Variants in RALGAPA2 observed in about 807,000 individuals in gnomAD.
RALGAPA2 encodes the protein ral GTPase-activating protein subunit alpha-2.
Under a neutral mutation model 230.4 loss-of-function variants are expected in RALGAPA2, and 139 were observed. The observed-to-expected ratio is 0.60, with a 90% CI of 0.53 to 0.69. The LOEUF is 0.69. Among genes scored for constraint, RALGAPA2 ranks in the 30% least tolerant of loss-of-function variants. RALGAPA2 has a pLI of 0.00. For missense variants in RALGAPA2, 2,163 were observed against 2,276.0 expected (o/e 0.95, Z 1.01); for synonymous variants, 847 against 837.8 (o/e 1.01, Z -0.19).
intron 37 of RALGAPA2, among the ~76,000 whole-genome samples, chr20:20,450,993 G>A (rs1027546315): frequency 2.0e-5 from 3 of 152,138 alleles, no homozygotes; most frequent in Non-Finnish European, 4.4e-5. Flanking sequence ...GTACTAGTAG[G>A]AGCAACAACA....
At chr20:20,536,975 T>G (rs907666749) in intron 24 of RALGAPA2, among the ~76,000 whole-genome samples, 191 bp from the exon 25 acceptor site, 3 of 152,164 alleles carry the variant, frequency 2.0e-5, no homozygotes, top group African/African-American at 7.2e-5. Flanking sequence ...ATGGAAAATA[T>G]CACTGTACTT....
chr20:20,563,504 T>C (rs2064317982), intron 23 of RALGAPA2, among the ~76,000 whole-genome samples: 1 of 152,194 alleles, frequency 6.6e-6, no homozygotes, highest in Admixed American at 6.5e-5. Context: ...TCCCTGGAAA[T>C]CTTTCCTGCA....
intron 20 of RALGAPA2, among the ~76,000 whole-genome samples, chr20:20,574,724 C>A (rs1376284148): frequency 6.6e-6 from 1 of 152,206 alleles, no homozygotes; most frequent in East Asian, 1.9e-4. Flanking sequence ...TTCATTGCAG[C>A]ATTTAACGCT....
At chr20:20,567,757 C>A (rs2064480499) in intron 23 of RALGAPA2, among the ~76,000 whole-genome samples, 1 of 151,184 alleles carries the variant, frequency 6.6e-6, no homozygotes, top group African/African-American at 2.4e-5. Context: ...TTTTGGGAGG[C>A]CAAGACGGGA....
At chr20:20,510,237 A>G (rs2062661783) in intron 33 of RALGAPA2, among the ~76,000 whole-genome samples, 2 of 152,196 alleles carry the variant, frequency 1.3e-5, no homozygotes, top group African/African-American at 4.8e-5. Flanking sequence ...TGAATGGAAT[A>G]AAGAGCTCTA....
At chr20:20,689,990 AC>A (rs2068845367) in intron 1 of RALGAPA2, among the ~76,000 whole-genome samples, 1 of 150,548 alleles carries the variant, frequency 6.6e-6, no homozygotes, top group South Asian at 2.1e-4. Flanking sequence ...CCTGTCCACT[AC>A]CCCCCTCATC....
intron 36 of RALGAPA2, among the ~76,000 whole-genome samples, chr20:20,475,901 C>G (rs1287134935): frequency 6.6e-6 from 1 of 152,098 alleles, no homozygotes; most frequent in Non-Finnish European, 1.5e-5. Flanking sequence ...TGATAAGCCT[C>G]AGAAAACAAT....
intron 17 of RALGAPA2, among the ~76,000 whole-genome samples, chr20:20,590,143 A>C (rs898735959): frequency 3.3e-5 from 5 of 152,008 alleles, no homozygotes; most frequent in African/African-American, 1.2e-4. Flanking sequence ...CTCTCTTAGC[A>C]ATTTTCAAGA....
At chr20:20,469,029 A>G (rs1464381712) in intron 37 of RALGAPA2, among the ~76,000 whole-genome samples, 1 of 151,908 alleles carries the variant, frequency 6.6e-6, no homozygotes. Context: ...TGTCATTCTC[A>G]AATGTGATAA....
intron 12 of RALGAPA2, among the ~76,000 whole-genome samples, chr20:20,617,767 G>A (rs902016867): frequency 1.3e-5 from 2 of 152,056 alleles, no homozygotes; most frequent in Non-Finnish European, 2.9e-5. Context: ...AGACACAGTC[G>A]GAGAAAAGAA....
At chr20:20,533,831 T>A (rs1257191302) in intron 26 of RALGAPA2, among the ~76,000 whole-genome samples, 1 of 152,068 alleles carries the variant, frequency 6.6e-6, no homozygotes, top group African/African-American at 2.4e-5. Flanking sequence ...AAGATACCTA[T>A]AGAATTCAGA....
At chr20:20,403,426 T>C (rs2059887905) in intron 38 of RALGAPA2, among the ~76,000 whole-genome samples, 1 of 152,084 alleles carries the variant, frequency 6.6e-6, no homozygotes, top group Admixed American at 6.5e-5. Context: ...GGACCTGAGT[T>C]TTAATATCTC....
chr20:20,615,405 A>G (rs2066107392), intron 13 of RALGAPA2, among the ~76,000 whole-genome samples: 1 of 151,894 alleles, frequency 6.6e-6, no homozygotes, highest in Non-Finnish European at 1.5e-5. Context: ...CAGATGATCC[A>G]CCCACCTCGG....
chr20:20,593,004 AC>A (rs1331095298), intron 16 of RALGAPA2, among the ~76,000 whole-genome samples: 1 of 151,712 alleles, frequency 6.6e-6, no homozygotes, highest in Non-Finnish European at 1.5e-5. Context: ...TGCACACTCG[AC>A]CCCCCTGGCT....
chr20:20,499,023 C>T (rs1053502304), intron 35 of RALGAPA2, among the ~76,000 whole-genome samples: 2 of 152,132 alleles, frequency 1.3e-5, no homozygotes, highest in Non-Finnish European at 1.5e-5. Flanking sequence ...AAAAGTCCCC[C>T]CATGATGGGG....
intron 1 of RALGAPA2, among the ~76,000 whole-genome samples, chr20:20,692,703 T>C (rs961987097): frequency 2.0e-5 from 3 of 152,216 alleles, no homozygotes; most frequent in African/African-American, 7.2e-5. Context: ...TGTGCCTTTT[T>C]TTCCTGCCTT....
chr20:20,692,989 C>T (rs1294159756), intron 1 of RALGAPA2, among the ~76,000 whole-genome samples: 1 of 152,172 alleles, frequency 6.6e-6, no homozygotes, highest in African/African-American at 2.4e-5. Flanking sequence ...TTGCCAATTC[C>T]AACAGGAAAC....
rs117491347 is a variant in RALGAPA2 at position 20,566,149 on chromosome 20, C to T, written c.3156+5309G>A. On this transcript the variant is annotated intron_variant, in intron 23 of 39. Coordinates refer to ENST00000202677, the MANE Select transcript of RALGAPA2 (RefSeq NM_020343.4). ...GATCCCCCTGTGCTGCTGCCCACCA[C>T]TCCCCACATCTACCTTCAAGTGCCA... 3.5e-4 allele frequency among the ~76,000 whole-genome samples: 54 copies of T among 152,344 alleles called. 1 individual carries two copies. In the East Asian group the frequency reaches 0.01, roughly 29 times the overall value.
At position 20,391,699 on chromosome 20, in the gene RALGAPA2, G is replaced by C. The variant is rs372191882; in HGVS notation, c.*1590C>G. On this transcript the variant is annotated 3_prime_UTR_variant, in exon 40 of 40. Coordinates refer to ENST00000202677, the MANE Select transcript of RALGAPA2 (RefSeq NM_020343.4). ...TCAGTGAAAATGGCCGTTCTGATGG[G>C]GTGAGAGCCTCAGAAGGCTTCTTCA... 6.6e-6 allele frequency: 1 copy of C among 152,344 alleles called. No homozygotes were observed. The highest frequency in any genetic ancestry group is 1.5e-5 in the Non-Finnish European group (1 of 68,150). 9.4% of individuals were successfully genotyped at this position (152,344 alleles called of 1,614,324 possible).
Sources: allele counts gnomAD v4.1 joint callset (sites outside exome capture counted in the v4.1 genomes callset), GRCh38; gene constraint gnomAD v4.1.1; transcripts MANE v1.5; gene names NCBI Gene and HGNC (gene_info 2026-07-23, HGNC 2026-07-21).